EIF4G3: variants seen among roughly 807,000 people sequenced by gnomAD.
The protein encoded by EIF4G3 is eukaryotic translation initiation factor 4 gamma 3, also known as eIF-4-gamma 3.
In EIF4G3, 34 loss-of-function variants were observed where a neutral mutation model predicts 186.4. The ratio of observed to expected loss-of-function variants is 0.18; its 90% CI spans 0.14 to 0.24. EIF4G3 has a LOEUF of 0.24. EIF4G3 is among the 10% of genes least tolerant of loss of function. The probability of loss-of-function intolerance (pLI) is 1.00; values close to 1 mark genes in which losing one functional copy is unlikely to be tolerated. For synonymous variants in EIF4G3, 673 were observed against 679.5 expected (o/e 0.99, Z 0.15); for missense variants, 1,536 against 1,948.5 (o/e 0.79, Z 3.99).
At chr1:20,882,727 T>A (rs913697016) in intron 19 of EIF4G3, among the ~76,000 whole-genome samples, 1 of 150,726 alleles carries the variant, frequency 6.6e-6, no homozygotes, top group African/African-American at 2.4e-5. Context: ...GCCCAGGAGG[T>A]TGAAGCTTCA....
intron 4 of EIF4G3, among the ~76,000 whole-genome samples, chr1:21,035,676 G>C (rs963556072): frequency 3.3e-5 from 5 of 152,390 alleles, no homozygotes; most frequent in Non-Finnish European, 7.3e-5. Flanking sequence ...GGGCAGGGGG[G>C]CAGTTCAGCG....
At chr1:21,023,938 TG>T in intron 4 of EIF4G3, among the ~76,000 whole-genome samples, 1 of 78,744 alleles carries the variant, frequency 1.3e-5, no homozygotes, top group African/African-American at 3.8e-5. Flanking sequence ...GGAGCGCCTC[TG>T]CCCGGCCACG....
At chr1:21,089,434 A>C (rs2096107403) in intron 2 of EIF4G3, among the ~76,000 whole-genome samples, 1 of 152,190 alleles carries the variant, frequency 6.6e-6, no homozygotes, top group Non-Finnish European at 1.5e-5. Flanking sequence ...ATGGAATCTC[A>C]AAACAAACAC....
chr1:20,956,142 C>T (rs776285431), intron 12 of EIF4G3, among the ~76,000 whole-genome samples: 8 of 152,180 alleles, frequency 5.3e-5, no homozygotes, highest in Non-Finnish European at 8.8e-5. Flanking sequence ...GCATCAACCA[C>T]ATAGATCAGT....
chr1:20,992,796 A>C (rs936059682), intron 7 of EIF4G3, among the ~76,000 whole-genome samples: 2 of 152,174 alleles, frequency 1.3e-5, no homozygotes, highest in African/African-American at 4.8e-5. Context: ...GTGAAACCCC[A>C]AAGTAAAATA....
At chr1:20,860,562 T>C (rs779874075) in intron 23 of EIF4G3, 45 bp from the exon 24 acceptor site, 1 of 1,580,086 alleles carries the variant, frequency 6.3e-7, no homozygotes, top group South Asian at 1.2e-5. Context: ...AAACTGAACA[T>C]TTTTTAAAAT....
intron 12 of EIF4G3, among the ~76,000 whole-genome samples, chr1:20,961,386 A>T (rs544999831): frequency 1.1e-4 from 16 of 152,240 alleles, no homozygotes; most frequent in South Asian, 2.1e-4. Context: ...CGTCTCAAAA[A>T]AATAATAATA....
chr1:20,962,913 T>G (rs905313898), intron 12 of EIF4G3, among the ~76,000 whole-genome samples: 1 of 150,140 alleles, frequency 6.7e-6, no homozygotes, highest in East Asian at 1.9e-4. Context: ...GTTTTGTTTT[T>G]TTTTTGTTTT....
At chr1:21,039,330 C>A (rs1248604072) in intron 4 of EIF4G3, among the ~76,000 whole-genome samples, 1 of 151,964 alleles carries the variant, frequency 6.6e-6, no homozygotes, top group African/African-American at 2.4e-5. Context: ...TGAGAGAACA[C>A]AGAAAAACAA....
chr1:20,944,579 G>A (rs368151191), intron 13 of EIF4G3, among the ~76,000 whole-genome samples: 9 of 151,902 alleles, frequency 5.9e-5, no homozygotes, highest in East Asian at 5.8e-4. Flanking sequence ...GGGGGACAGA[G>A]AGAGAGAGAA....
At chr1:20,896,279 T>G (rs1380260015) in intron 16 of EIF4G3, among the ~76,000 whole-genome samples, 2 of 150,794 alleles carry the variant, frequency 1.3e-5, no homozygotes, top group Non-Finnish European at 3.0e-5. Flanking sequence ...GAAAAAAAAT[T>G]TTAAAAAATT....
At chr1:21,133,191 T>C (rs1418403819) in intron 2 of EIF4G3, among the ~76,000 whole-genome samples, 3 of 152,110 alleles carry the variant, frequency 2.0e-5, no homozygotes, top group Non-Finnish European at 4.4e-5. Context: ...ACTTCACAGA[T>C]AGGGCTGGGT....
chr1:20,843,481 C>T (rs2069478233), intron 29 of EIF4G3, among the ~76,000 whole-genome samples: 1 of 151,968 alleles, frequency 6.6e-6, no homozygotes, highest in Admixed American at 6.6e-5. Flanking sequence ...CACCCCACTG[C>T]ACTCCAGCCT....
At chr1:20,851,564 C>G in intron 27 of EIF4G3, 86 bp from the exon 28 acceptor site, 1 of 1,296,582 alleles carries the variant, frequency 7.7e-7, no homozygotes, top group Non-Finnish European at 1.1e-6. Context: ...CTAAGACTTT[C>G]TGAAAGTATA....
intron 18 of EIF4G3, chr1:20,892,840 T>C: frequency 1.4e-6 from 1 of 702,742 alleles, no homozygotes; most frequent in South Asian, 1.9e-5. Flanking sequence ...TGGCTCGCTC[T>C]GTATATATAT....
At chr1:20,943,971 T>A (rs1573268457) in intron 13 of EIF4G3, among the ~76,000 whole-genome samples, 3 of 18,622 alleles carry the variant, frequency 1.6e-4, no homozygotes, top group Admixed American at 5.0e-4. Flanking sequence ...GTCTTTATTT[T>A]TTTTGTGTGT....
rs1382616021 is a variant in EIF4G3 at position 20,942,306 on chromosome 1, A to T, written c.848T>A (p.Val283Glu). The stretch of plus-strand genomic sequence containing the variant: ...AAGGACTGGGGAAGGAGACTTTAAC[A>T]CTGGATCTGGTTTTGGCTTCTCCTC... Reference protein sequence around the residue: ...KQEEKPKPDPVLKSPSPVLRL... With the variant: ...KQEEKPKPDPELKSPSPVLRL... Residue 283 changes from valine to glutamate, a missense_variant, in exon 14 of 37, where the codon GTG becomes GAG. Val to Glu is a moderately radical substitution (Grantham distance 121, BLOSUM62 -2). This residue lies in a region of EIF4G3 where 560 missense variants were observed against 547.8 expected (regional missense o/e 1.02). Coordinates refer to ENST00000602326, the MANE Select transcript of EIF4G3 (RefSeq NM_001391906.1). The T allele has an allele frequency of 6.3e-7, 1 of 1,585,320 alleles. No individual in the cohort carries two copies. Among genetic ancestry groups the T allele is most frequent in the Non-Finnish European group, 8.5e-7 (1 of 1,169,618 alleles).
Position 20,885,027 on chromosome 1 carries a change from G to A in EIF4G3, c.2424+1174C>T, listed in dbSNP as rs952316030. Among the ~76,000 whole-genome samples the A allele has an allele frequency of 7.2e-5, 11 of 152,212 alleles. No homozygotes were observed. In the East Asian group the frequency reaches 1.5e-3, roughly 21 times the overall value. On this transcript the variant is annotated intron_variant, in intron 19 of 36. Transcript: ENST00000602326. ...TCATAAGGAGCGTGCAACCTAGATC[G>A]CTTCCATGTACAGTTCACAATAGGG...
Position 21,149,660 on chromosome 1 carries a change from TACTCAAACC to T in EIF4G3, c.-272+26506_-272+26514del, listed in dbSNP as rs1421020062. On this transcript the variant is annotated intron_variant, in intron 2 of 36. Coordinates refer to ENST00000602326, the MANE Select transcript of EIF4G3 (RefSeq NM_001391906.1). ...AGCACACACAGCAACTTTAATTCTC[TACTCAAACC>T]ACTCCCCATCTCTCACCTTAACATA... Among the ~76,000 whole-genome samples the T allele has an allele frequency of 8.5e-5, 13 of 152,288 alleles. No homozygotes were observed. The East Asian group carries it at 1.9e-3, about 23-fold the overall frequency.
Sources: gnomAD v4.1 joint callset for allele counts (sites outside exome capture counted in the v4.1 genomes callset) on GRCh38, gnomAD v4.1.1 for gene constraint, gnomAD v4.1.1 regional missense constraint, MANE v1.5 for transcripts, NCBI Gene and HGNC (gene_info 2026-07-23, HGNC 2026-07-21) for gene names.